CRTAC1: variants seen among roughly 807,000 people sequenced by gnomAD.
CRTAC1 encodes the protein cartilage acidic protein 1.
A neutral mutation model predicts 67.8 loss-of-function variants in CRTAC1; 37 were observed. That is an observed-to-expected ratio of 0.55 (90% CI 0.42 to 0.72). CRTAC1 has a LOEUF of 0.72. Ranked by LOEUF, CRTAC1 falls within the 30% of genes least tolerant of loss-of-function variation. The pLI is 0.00. For synonymous variants in CRTAC1, 348 were observed against 371.0 expected, an observed-to-expected ratio of 0.94 and a Z score of 0.71; for missense variants, 780 against 931.6, an observed-to-expected ratio of 0.84 and a Z score of 2.12.
chr10:97,939,113 C>T lies in CRTAC1; in HGVS notation c.225-2747G>A, dbSNP rs145997444. The stretch of plus-strand genomic sequence containing the variant: ...GACACCCTTCCCCTGCACCCCTGCC[C>T]GTTGGGTCTCCTAGAATGTCTTCAC... On this transcript the variant is annotated intron_variant, in intron 2 of 14. Coordinates refer to ENST00000370597, the MANE Select transcript of CRTAC1 (RefSeq NM_018058.7). Among the ~76,000 whole-genome samples, 630 of 152,226 alleles carry T rather than the reference C, an allele frequency of 4.1e-3. 3 individuals are homozygous for T. Among genetic ancestry groups the T allele is most frequent in the African/African-American group, 0.014 (567 of 41,534 alleles).
chr10:97,923,600 C>T (rs756033312), intron 3 of CRTAC1, among the ~76,000 whole-genome samples, 200 bp from the exon 4 acceptor site: 94 of 152,260 alleles, frequency 6.2e-4, no homozygotes, highest in Non-Finnish European at 1.2e-3. Flanking sequence ...AGGGAAGAGA[C>T]TCTGAGCCTC....
chr10:97,960,635 C>T (rs555327596), intron 2 of CRTAC1, among the ~76,000 whole-genome samples: 8 of 152,174 alleles, frequency 5.3e-5, no homozygotes, highest in East Asian at 1.9e-4. Context: ...TTAATAAAAA[C>T]GGGTTCAACA....
intron 3 of CRTAC1, among the ~76,000 whole-genome samples, chr10:97,933,937 A>G (rs771382700): frequency 4.6e-5 from 7 of 152,092 alleles, no homozygotes; most frequent in Non-Finnish European, 1.0e-4. Flanking sequence ...GATTGTTGAA[A>G]GCTCCCCAGG....
chr10:97,959,331 AG>A (rs1353128526), intron 2 of CRTAC1, among the ~76,000 whole-genome samples: 1 of 152,248 alleles, frequency 6.6e-6, no homozygotes, highest in African/African-American at 2.4e-5. Context: ...AGTCTGCTGC[AG>A]GGTAAACACA....
chr10:97,879,675 G>C, intron 14 of CRTAC1: 1 of 1,531,536 alleles, frequency 6.5e-7, no homozygotes, highest in Non-Finnish European at 8.8e-7. Context: ...TTCCTTTATT[G>C]ATGGGATTTA....
rs530151148 is a variant in CRTAC1, at chr10:97,943,595, C to G, written c.225-7229G>C. On this transcript the variant is annotated intron_variant, in intron 2 of 14. Transcript: ENST00000370597. ...CTCATTTTATAGATACACAAAGTTT[C>G]TGAGAAAAGTGACTTCTAAAGTCAA... is the stretch of plus-strand genomic sequence containing the variant. Among the ~76,000 whole-genome samples the G allele has an allele frequency of 8.3e-4, 126 of 152,306 alleles. 1 individual carries two copies. Among genetic ancestry groups the G allele is most frequent in the African/African-American group, 2.7e-3 (113 of 41,552 alleles).
At chr10:97,963,135 G>A (rs2051555015) in intron 2 of CRTAC1, among the ~76,000 whole-genome samples, 1 of 152,040 alleles carries the variant, frequency 6.6e-6, no homozygotes, top group Admixed American at 6.6e-5. Context: ...CCTGGCCCCA[G>A]TGTCCTTGGG....
At chr10:97,969,535 G>A (rs1464821931) in intron 2 of CRTAC1, among the ~76,000 whole-genome samples, 2 of 152,112 alleles carry the variant, frequency 1.3e-5, no homozygotes, top group Non-Finnish European at 2.9e-5. Context: ...GATGACTCTT[G>A]AGATTAAAAG....
At position 97,895,493 on chromosome 10, in the gene CRTAC1, A is replaced by AG. The variant is rs1027303575; in HGVS notation, c.1318-81dup. ...AGAGCAGGGAGCCAGGGAGGACGGGAGGGGGAGAGGGAGAAGAAGGAGGAA... is the reference window on the plus strand; with the variant it reads ...AGAGCAGGGAGCCAGGGAGGACGGGAGGGGGGAGAGGGAGAAGAAGGAGGAA... On this transcript the variant is annotated intron_variant, in intron 10 of 14. Transcript: ENST00000370597. This position sits in a 1 kb window ranked among gnomAD's most constrained non-coding sequence, Gnocchi z 4.2. The AG allele has an allele frequency of 7.9e-7, 1 of 1,263,436 alleles. No individual in the cohort carries two copies. Among genetic ancestry groups the AG allele is most frequent in the African/African-American group, 1.5e-5 (1 of 66,698 alleles). 78.3% of individuals were successfully genotyped at this position (1,263,436 alleles called of 1,614,324 possible).
Position 97,937,699 on chromosome 10 carries a change from C to A in CRTAC1, c.225-1333G>T, listed in dbSNP as rs524583. On this transcript the variant is annotated intron_variant, in intron 2 of 14. Transcript: ENST00000370597. ...CCCTCCCATATGGAGAAAACAAGGG[C>A]CCTGCAGGAAGTCGGTGTGCCCAAG... Among the ~76,000 whole-genome samples, 344 of 152,288 alleles carry A rather than the reference C, an allele frequency of 2.3e-3. 1 individual carries two copies. The highest frequency in any genetic ancestry group is 2.8e-3 in the Admixed American group (43 of 15,308).
At chr10:97,974,607 C>A (rs73334616) in intron 2 of CRTAC1, among the ~76,000 whole-genome samples, 1 of 152,184 alleles carries the variant, frequency 6.6e-6, no homozygotes, top group Non-Finnish European at 1.5e-5. Flanking sequence ...CTCCGACTCT[C>A]CAGGGCCGTT....
chr10:97,882,855 T>C, intron 12 of CRTAC1, 27 bp from the exon 13 acceptor site: 1 of 1,613,336 alleles, frequency 6.2e-7, no homozygotes, highest in Middle Eastern at 1.7e-4. Context: ...AGCAGAGACA[T>C]GAGTGAGTTG....
At chr10:97,963,971 C>T (rs1047535790) in intron 2 of CRTAC1, among the ~76,000 whole-genome samples, 1 of 152,198 alleles carries the variant, frequency 6.6e-6, no homozygotes, top group Non-Finnish European at 1.5e-5. Flanking sequence ...AATGTATGTC[C>T]TTTCAAAATT....
chr10:97,909,610 G>A (rs2050661000), intron 5 of CRTAC1, among the ~76,000 whole-genome samples: 1 of 152,138 alleles, frequency 6.6e-6, no homozygotes, highest in African/African-American at 2.4e-5. Context: ...TGGTGGGAAT[G>A]TAAATGAGTA....
At chr10:97,937,453 A>G (rs1056262357) in intron 2 of CRTAC1, among the ~76,000 whole-genome samples, 1 of 152,038 alleles carries the variant, frequency 6.6e-6, no homozygotes, top group Non-Finnish European at 1.5e-5. Flanking sequence ...TGACAATTCC[A>G]TATTCTCATT....
At chr10:97,932,222 A>G (rs1332202971) in intron 3 of CRTAC1, among the ~76,000 whole-genome samples, 1 of 152,108 alleles carries the variant, frequency 6.6e-6, no homozygotes, top group Non-Finnish European at 1.5e-5. Context: ...ACCTCTGCCC[A>G]CGACACTTTG....
chr10:97,887,569 G>A (rs114823788), intron 11 of CRTAC1, among the ~76,000 whole-genome samples: 35 of 152,290 alleles, frequency 2.3e-4, no homozygotes, highest in African/African-American at 7.9e-4. Flanking sequence ...TACTGCTTCC[G>A]CAGCTTCCTC....
At chr10:97,967,615 ATAT>A (rs1195915009) in intron 2 of CRTAC1, among the ~76,000 whole-genome samples, 1 of 152,214 alleles carries the variant, frequency 6.6e-6, no homozygotes, top group Non-Finnish European at 1.5e-5. Flanking sequence ...ATCTGTATCT[ATAT>A]TATGTTCACA....
intron 2 of CRTAC1, among the ~76,000 whole-genome samples, chr10:97,972,141 T>C (rs1014167167): frequency 2.6e-5 from 4 of 152,176 alleles, no homozygotes; most frequent in African/African-American, 9.7e-5. Context: ...GGGCAGCCCC[T>C]GGTTCTTCAG....
Sources: gnomAD v4.1 joint callset for allele counts (sites outside exome capture counted in the v4.1 genomes callset) on GRCh38, gnomAD v4.1.1 for gene constraint, Gnocchi (gnomAD v3.1) non-coding constraint, MANE v1.5 for transcripts, NCBI Gene and HGNC (gene_info 2026-07-23, HGNC 2026-07-21) for gene names.